The following CDH20 variants were observed in gnomAD, a reference collection of about 807,000 sequenced individuals.
CDH20 encodes cadherin-20.
CDH20 carries 29 observed loss-of-function variants against 74.2 expected under a neutral mutation model. The ratio of observed to expected loss-of-function variants is 0.39; its 90% confidence interval spans 0.29 to 0.53. CDH20 has a LOEUF of 0.53. CDH20 is among the 20% of genes least tolerant of loss of function. The pLI is 0.69. For synonymous variants in CDH20, 469 were observed against 405.4 expected (o/e 1.16, Z -1.88); for missense variants, 988 against 1,048.3 (o/e 0.94, Z 0.79).
At chr18:61,531,478 G>A (rs1912636637) in intron 7 of CDH20, among the ~76,000 whole-genome samples, 1 of 152,168 alleles carries the variant, frequency 6.6e-6, no homozygotes, top group Admixed American at 6.5e-5. Flanking sequence ...GCCAATCGGT[G>A]TTTTTTTATT....
Position 61,554,217 on chromosome 18 carries a change from G to A in CDH20, c.1928G>A (p.Arg643Lys), listed in dbSNP as rs769250501. Residue 643 changes from arginine (R) to lysine (K), a missense_variant, in exon 12 of 12, where the codon AGG becomes AAG. This residue lies in a region of CDH20 where 375 missense variants were observed against 293.1 expected (regional missense o/e 1.28). Transcript: ENST00000262717. Reference sequence around the variant, plus strand: ...CTGGTGTTGCTCATTTTGTCCATGAGGCGGCACCGGAAACAACCATACATC... The same window carrying A: ...CTGGTGTTGCTCATTTTGTCCATGAAGCGGCACCGGAAACAACCATACATC... The part of the protein sequence containing the change: ...LVLVLLILSM[R>K]RHRKQPYIID... 4 of 1,612,692 alleles carry A rather than the reference G, an allele frequency of 2.5e-6. No individual in the cohort carries two copies. Among genetic ancestry groups the A allele is most frequent in the Non-Finnish European group, 3.4e-6 (4 of 1,178,904 alleles).
chr18:61,539,590 C>T (rs1027185660), intron 9 of CDH20, among the ~76,000 whole-genome samples: 3 of 152,160 alleles, frequency 2.0e-5, no homozygotes, highest in Non-Finnish European at 4.4e-5. Flanking sequence ...GGCAGTAACA[C>T]CTGCTCTGAG....
intron 1 of CDH20, among the ~76,000 whole-genome samples, chr18:61,360,293 C>T (rs76117386): frequency 0.012 from 1,769 of 152,156 alleles, 40 homozygotes; most frequent in African/African-American, 0.041. Context: ...GCTCATGCCT[C>T]GACAAGTCAG....
At chr18:61,535,445 C>T (rs1220023895) in intron 7 of CDH20, among the ~76,000 whole-genome samples, 1 of 152,154 alleles carries the variant, frequency 6.6e-6, no homozygotes, top group Admixed American at 6.5e-5. Context: ...GGGTTTTTAA[C>T]ATCCACATGC....
intron 1 of CDH20, among the ~76,000 whole-genome samples, chr18:61,428,382 T>C (rs1913143338): frequency 6.6e-6 from 1 of 152,170 alleles, no homozygotes; most frequent in East Asian, 1.9e-4. Context: ...TGAATGTTTT[T>C]TGACATCCCT....
intron 6 of CDH20, among the ~76,000 whole-genome samples, chr18:61,512,753 G>T (rs1045812747): frequency 6.8e-6 from 1 of 147,534 alleles, no homozygotes; most frequent in Non-Finnish European, 1.5e-5. Context: ...CCTTCATTTC[G>T]TTATGTACCC....
At chr18:61,504,549 G>A (rs1057382595) in intron 5 of CDH20, among the ~76,000 whole-genome samples, 2 of 152,268 alleles carry the variant, frequency 1.3e-5, no homozygotes, top group Middle Eastern at 3.4e-3. Context: ...TGTCCTTAAG[G>A]AAAGTGGAAA....
intron 1 of CDH20, among the ~76,000 whole-genome samples, chr18:61,419,510 T>C (rs920809450): frequency 4.6e-5 from 7 of 152,206 alleles, no homozygotes; most frequent in African/African-American, 1.7e-4. Flanking sequence ...TACTCTGCAA[T>C]ACAACCATGC....
At chr18:61,489,871 T>C (rs1739060103) in intron 1 of CDH20, among the ~76,000 whole-genome samples, 1 of 152,018 alleles carries the variant, frequency 6.6e-6, no homozygotes, top group Non-Finnish European at 1.5e-5. Context: ...TGCTTATAAA[T>C]GAAGTCCAAG....
intron 11 of CDH20, among the ~76,000 whole-genome samples, chr18:61,552,600 G>C (rs750258831): frequency 6.6e-6 from 1 of 151,992 alleles, no homozygotes; most frequent in Non-Finnish European, 1.5e-5. Context: ...AGTCTCCCAG[G>C]TAAAATTCAC....
chr18:61,333,833 G>T lies in CDH20; in HGVS notation c.-153+6G>T, dbSNP rs1909649437. 1 of 152,240 alleles carries T rather than the reference G, an allele frequency of 6.6e-6. No homozygotes were observed. The highest frequency in any genetic ancestry group is 2.1e-4 in the South Asian group (1 of 4,834). The allele number at this position is 152,240 out of a possible 1,614,324, so 9.4% of individuals were successfully genotyped here. ...AGAGTCGCCGGCGGTGCCAGGTAAC[G>T]CAGAGGGCTCGGGTCGGGCCCCGCT... On this transcript the variant is annotated splice_donor_region_variant and intron_variant, in intron 1 of 11. Transcript: ENST00000262717.
intron 1 of CDH20, among the ~76,000 whole-genome samples, chr18:61,475,277 T>C (rs1240511818): frequency 1.3e-5 from 2 of 152,118 alleles, no homozygotes; most frequent in African/African-American, 2.4e-5. Flanking sequence ...TAGCCAGATA[T>C]AGGGGTGTGA....
intron 1 of CDH20, among the ~76,000 whole-genome samples, chr18:61,386,768 G>C (rs1265209639): frequency 6.6e-6 from 1 of 151,944 alleles, no homozygotes; most frequent in African/African-American, 2.4e-5. Context: ...TTACTTAAAA[G>C]TGATCTATCT....
intron 11 of CDH20, 147 bp from the exon 12 acceptor site, chr18:61,554,043 C>T: frequency 4.6e-6 from 4 of 867,762 alleles, no homozygotes; most frequent in Non-Finnish European, 7.0e-6. Flanking sequence ...ATTAGAACTC[C>T]CCGAGGTTTC....
At chr18:61,381,928 G>C (rs1223769370) in intron 1 of CDH20, among the ~76,000 whole-genome samples, 2 of 152,056 alleles carry the variant, frequency 1.3e-5, no homozygotes, top group African/African-American at 4.8e-5. Context: ...CAAATAAACT[G>C]GAAATTTCAA....
chr18:61,414,038 C>T lies in CDH20; in HGVS notation c.-152-76364C>T, dbSNP rs562764355. Among the ~76,000 whole-genome samples, 9 of 152,240 alleles carry T rather than the reference C, an allele frequency of 5.9e-5. No individual in the cohort carries two copies. The South Asian group carries it at 1.4e-3, about 25-fold the overall frequency. ...TTCTCACTCTGCTCTGTTGTTTTCA[C>T]GCTTTCTGGTCTTAATCAAAATTGT... On this transcript the variant is annotated intron_variant, in intron 1 of 11. Coordinates refer to ENST00000262717, the MANE Select transcript of CDH20 (RefSeq NM_031891.4).
intron 1 of CDH20, among the ~76,000 whole-genome samples, chr18:61,390,237 A>C (rs1051526751): frequency 6.6e-6 from 1 of 152,174 alleles, no homozygotes; most frequent in African/African-American, 2.4e-5. Context: ...GGAATGAATA[A>C]ATCATCTAGA....
intron 1 of CDH20, among the ~76,000 whole-genome samples, chr18:61,413,385 C>T (rs141558170): frequency 5.3e-5 from 8 of 152,208 alleles, no homozygotes; most frequent in South Asian, 2.1e-4. Flanking sequence ...GATCAATAGA[C>T]GTTTCAGCTG....
intron 1 of CDH20, among the ~76,000 whole-genome samples, chr18:61,446,980 C>A (rs1314488470): frequency 6.6e-6 from 1 of 152,180 alleles, no homozygotes; most frequent in South Asian, 2.1e-4. Context: ...CAATATCCAA[C>A]GTTTTTCAAT....
Sources: gnomAD v4.1 joint callset for allele counts (sites outside exome capture counted in the v4.1 genomes callset) on GRCh38, gnomAD v4.1.1 for gene constraint, gnomAD v4.1.1 regional missense constraint, MANE v1.5 for transcripts, NCBI Gene and HGNC (gene_info 2026-07-23, HGNC 2026-07-21) for gene names.